Variants in PDE4D observed in about 807,000 individuals in gnomAD.
The protein encoded by PDE4D is 3',5'-cyclic-AMP phosphodiesterase 4D.
A neutral mutation model predicts 87.4 loss-of-function variants in PDE4D; 24 were observed. The observed-to-expected ratio is 0.27, with a 90% CI of 0.20 to 0.39. The LOEUF is 0.39. Ranked by LOEUF, PDE4D falls within the 10% of genes least tolerant of loss-of-function variation. PDE4D has a pLI of 1.00. For synonymous variants in PDE4D, 384 were observed against 383.2 expected (o/e 1.00, Z -0.02); for missense variants, 714 against 1,041.0 (o/e 0.69, Z 4.32).
chr5:59,208,260 C>A (rs1385956551), intron 2 of PDE4D, among the ~76,000 whole-genome samples: 1 of 152,148 alleles, frequency 6.6e-6, no homozygotes, highest in East Asian at 1.9e-4. Context: ...TAAATATTAG[C>A]ACAAAGTCCT....
Position 60,450,369 on chromosome 5 carries a change from C to T in PDE4D, c.-90+37573G>A, listed in dbSNP as rs575393973. ...CCCCAATCTGACATAAATTCTAACC[C>T]CATGTTAATCACTATATAATTATTT... On this transcript the variant is annotated intron_variant, in intron 1 of 16. Coordinates refer to the PDE4D transcript ENST00000502484. Among the ~76,000 whole-genome samples, 8 of 152,092 alleles carry T rather than the reference C, an allele frequency of 5.3e-5. No homozygotes were observed. The South Asian group carries it at 1.2e-3, about 24-fold the overall frequency.
intron 1 of PDE4D, among the ~76,000 whole-genome samples, chr5:59,567,580 G>C (rs1821155882): frequency 6.6e-6 from 1 of 152,030 alleles, no homozygotes; most frequent in South Asian, 2.1e-4. Flanking sequence ...AAACATTTGG[G>C]ACACAAATAC....
intron 1 of PDE4D, among the ~76,000 whole-genome samples, chr5:59,413,179 T>C (rs745355336): frequency 1.3e-5 from 2 of 152,112 alleles, no homozygotes; most frequent in Non-Finnish European, 2.9e-5. Context: ...CATGGTTGGC[T>C]GGGCGCGGTG....
intron 1 of PDE4D, among the ~76,000 whole-genome samples, chr5:60,300,696 G>T (rs1054134163): frequency 3.3e-5 from 5 of 152,038 alleles, no homozygotes; most frequent in African/African-American, 9.7e-5. Flanking sequence ...ATTTGTCAAA[G>T]ATCAGATGTT....
intron 1 of PDE4D, among the ~76,000 whole-genome samples, chr5:59,661,986 G>C (rs1372816851): frequency 6.6e-6 from 1 of 152,162 alleles, no homozygotes; most frequent in Non-Finnish European, 1.5e-5. Flanking sequence ...ATATTGCTGA[G>C]ACCCATTGTC....
At chr5:60,343,705 C>T (rs929238241) in intron 1 of PDE4D, among the ~76,000 whole-genome samples, 6 of 152,098 alleles carry the variant, frequency 3.9e-5, no homozygotes, top group Admixed American at 6.5e-5. Flanking sequence ...TTTCTCTCCT[C>T]TCTCGGTGCC....
At chr5:60,106,084 C>T (rs1394622137) in intron 2 of PDE4D, among the ~76,000 whole-genome samples, 1 of 151,944 alleles carries the variant, frequency 6.6e-6, no homozygotes, top group Non-Finnish European at 1.5e-5. Flanking sequence ...AGGGTCAAGA[C>T]CCATCAGTGT....
intron 1 of PDE4D, among the ~76,000 whole-genome samples, chr5:59,265,271 T>G (rs1762671650): frequency 6.6e-6 from 1 of 152,006 alleles, no homozygotes. Flanking sequence ...TCATTGAGTT[T>G]TAAATAACTA....
chr5:60,326,639 T>A (rs1008370525), intron 1 of PDE4D, among the ~76,000 whole-genome samples: 3 of 151,988 alleles, frequency 2.0e-5, no homozygotes, highest in African/African-American at 7.2e-5. Context: ...CATTTAGAAC[T>A]ACTATTTGTT....
At chr5:59,793,037 T>C (rs1034771590) in intron 1 of PDE4D, among the ~76,000 whole-genome samples, 4 of 152,124 alleles carry the variant, frequency 2.6e-5, no homozygotes, top group Non-Finnish European at 5.9e-5. Context: ...TTGAGTTCAG[T>C]GGCAAGACAG....
intron 1 of PDE4D, among the ~76,000 whole-genome samples, chr5:60,255,159 A>G (rs1424736621): frequency 1.3e-5 from 2 of 151,922 alleles, no homozygotes; most frequent in African/African-American, 4.8e-5. Flanking sequence ...TTCAGCTGAG[A>G]TTAGAAAAAG....
At chr5:60,194,030 A>T (rs1322083884) in intron 1 of PDE4D, among the ~76,000 whole-genome samples, 1 of 151,310 alleles carries the variant, frequency 6.6e-6, no homozygotes, top group Non-Finnish European at 1.5e-5. Flanking sequence ...TCCCCTCAAG[A>T]TCTAAATACT....
chr5:60,431,394 G>A lies in PDE4D; in HGVS notation c.-90+56548C>T, dbSNP rs992099782. 6.6e-5 allele frequency among the ~76,000 whole-genome samples: 10 copies of A among 151,890 alleles called. No individual in the cohort carries two copies. In the East Asian group the frequency reaches 7.8e-4, roughly 12 times the overall value. ...CAGAGACGCTCCTCACCTCCCAGAC[G>A]GGTTCGCGGCCGGGTAGAGGCGCTC... On this transcript the variant is annotated intron_variant, in intron 1 of 16. Coordinates refer to the PDE4D transcript ENST00000502484.
At chr5:59,581,242 C>T (rs950822185) in intron 1 of PDE4D, among the ~76,000 whole-genome samples, 6 of 152,054 alleles carry the variant, frequency 3.9e-5, no homozygotes, top group East Asian at 1.9e-4. Flanking sequence ...AAGGAACATT[C>T]GACCTATGGC....
intron 3 of PDE4D, among the ~76,000 whole-genome samples, chr5:59,909,386 C>T (rs1261605124): frequency 1.8e-5 from 2 of 113,690 alleles, no homozygotes; most frequent in Non-Finnish European, 3.4e-5. Flanking sequence ...TAACAAGCTC[C>T]TTAGGTGGAT....
rs149556763 is a variant in PDE4D at position 59,906,256 on chromosome 5, G to T, written c.272+82232C>A. On this transcript the variant is annotated intron_variant, in intron 3 of 16. Transcript: ENST00000502484. ...TTACATTTCTTTAGTTAAAGAATTT[G>T]CCAGATACAGTGTGGGTCAGGTTCC... Among the ~76,000 whole-genome samples, 758 of 152,238 alleles carry T rather than the reference G, an allele frequency of 5.0e-3. 7 individuals carry two copies. The highest frequency in any genetic ancestry group is 0.017 in the African/African-American group (727 of 41,548).
chr5:60,409,715 A>C (rs1184857020), intron 1 of PDE4D, among the ~76,000 whole-genome samples: 3 of 152,232 alleles, frequency 2.0e-5, no homozygotes, highest in Non-Finnish European at 4.4e-5. Context: ...CCATTTGCCA[A>C]GTCTTACTGA....
chr5:59,425,395 G>A (rs947397058), intron 1 of PDE4D, among the ~76,000 whole-genome samples: 6 of 152,058 alleles, frequency 3.9e-5, no homozygotes, highest in East Asian at 1.9e-4. Context: ...AGAGGCTGTC[G>A]TGTGTATTAT....
intron 1 of PDE4D, among the ~76,000 whole-genome samples, chr5:59,618,119 T>C (rs1283521841): frequency 6.6e-6 from 1 of 152,212 alleles, no homozygotes; most frequent in Non-Finnish European, 1.5e-5. Context: ...TAAAAGTTTC[T>C]ATGTTAAAGG....
Sources: gnomAD v4.1 joint callset for allele counts (sites outside exome capture counted in the v4.1 genomes callset) on GRCh38, gnomAD v4.1.1 for gene constraint, MANE v1.5 for transcripts, NCBI Gene and HGNC (gene_info 2026-07-23, HGNC 2026-07-21) for gene names.